The following DLGAP1 variants were observed in gnomAD, a reference collection of about 807,000 sequenced individuals.
DLGAP1 encodes the protein disks large-associated protein 1.
Under a neutral mutation model 90.8 loss-of-function variants are expected in DLGAP1, and 11 were observed. The ratio of observed to expected loss-of-function variants is 0.12; its 90% CI spans 0.08 to 0.20. The LOEUF (loss-of-function observed/expected upper bound fraction) is 0.20, where lower values mean the gene tolerates loss of function less well. Ranked by LOEUF, DLGAP1 falls within the 10% of genes least tolerant of loss-of-function variation. DLGAP1 has a pLI of 1.00. For synonymous variants in DLGAP1, 558 were observed against 540.7 expected (o/e 1.03, Z -0.44); for missense variants, 1,050 against 1,333.8 (o/e 0.79, Z 3.31).
chr18:3,928,009 T>G (rs74428508), intron 3 of DLGAP1, among the ~76,000 whole-genome samples: 44 of 152,292 alleles, frequency 2.9e-4, no homozygotes, highest in Non-Finnish European at 3.5e-4. Context: ...GCTGGGGAAT[T>G]TTTGCCCCCT....
Position 3,523,739 on chromosome 18 carries a change from CT to C in DLGAP1, c.2479+10454del, listed in dbSNP as rs375568027. Reference sequence around the variant, plus strand: ...GCGTGCGCCCGTAGTCCCAGCTACACTGGGAGGCTGAGGCAGGAGAATGGTG... The same window carrying C: ...GCGTGCGCCCGTAGTCCCAGCTACACGGGAGGCTGAGGCAGGAGAATGGTG... On this transcript the variant is annotated intron_variant, in intron 10 of 12. Coordinates refer to ENST00000315677, the MANE Select transcript of DLGAP1 (RefSeq NM_004746.4). 6.5e-4 allele frequency among the ~76,000 whole-genome samples: 99 copies of C among 151,624 alleles called. 5 individuals carry two copies. The South Asian group carries it at 8.9e-3, about 14-fold the overall frequency.
At chr18:4,311,574 T>C (rs2080397641) in intron 1 of DLGAP1, among the ~76,000 whole-genome samples, 1 of 152,216 alleles carries the variant, frequency 6.6e-6, no homozygotes, top group South Asian at 2.1e-4. Flanking sequence ...GAGATTTTTA[T>C]ATTGATTCCA....
At chr18:4,279,347 T>C (rs1029314177) in intron 1 of DLGAP1, among the ~76,000 whole-genome samples, 8 of 152,246 alleles carry the variant, frequency 5.3e-5, no homozygotes, top group African/African-American at 1.9e-4. Context: ...AATTTTTATT[T>C]GGCTAATATC....
chr18:3,672,963 G>A (rs539311339), intron 7 of DLGAP1, among the ~76,000 whole-genome samples: 3 of 152,254 alleles, frequency 2.0e-5, no homozygotes, highest in East Asian at 1.9e-4. Context: ...ACTGGTTTTT[G>A]TGTCTTCAGT....
At chr18:3,854,507 T>C (rs985807091) in intron 4 of DLGAP1, among the ~76,000 whole-genome samples, 4 of 152,228 alleles carry the variant, frequency 2.6e-5, no homozygotes, top group Non-Finnish European at 5.9e-5. Context: ...TTCCTCAAGA[T>C]TCTACTGCCA....
In DLGAP1 at chr18:4,199,272, T is replaced by C. The variant is rs552297769; in HGVS notation, c.-266-47985A>G. Reference sequence around the variant, plus strand: ...AAACATCTCTGTCTTCTTGCTTGCCTTCAGACATCTTCTCCAGCGTGGCGT... The same window carrying C: ...AAACATCTCTGTCTTCTTGCTTGCCCTCAGACATCTTCTCCAGCGTGGCGT... On this transcript the variant is annotated intron_variant, in intron 1 of 12. Coordinates refer to ENST00000315677, the MANE Select transcript of DLGAP1 (RefSeq NM_004746.4). Among the ~76,000 whole-genome samples the C allele has an allele frequency of 3.9e-5, 6 of 152,346 alleles. No individual in the cohort carries two copies. In the South Asian group the frequency reaches 1.2e-3, roughly 32 times the overall value.
chr18:3,769,477 C>T (rs969774939), intron 5 of DLGAP1, among the ~76,000 whole-genome samples: 1 of 152,070 alleles, frequency 6.6e-6, no homozygotes, highest in East Asian at 1.9e-4. Flanking sequence ...TTATAATCGC[C>T]CCAAATTGCG....
At chr18:3,778,174 C>T (rs965323000) in intron 5 of DLGAP1, among the ~76,000 whole-genome samples, 4 of 152,132 alleles carry the variant, frequency 2.6e-5, no homozygotes, top group Admixed American at 6.5e-5. Flanking sequence ...GGCACGATGG[C>T]TCATGCCTGT....
chr18:3,917,308 G>A (rs978117537), intron 3 of DLGAP1, among the ~76,000 whole-genome samples: 1 of 152,174 alleles, frequency 6.6e-6, no homozygotes, highest in African/African-American at 2.4e-5. Context: ...AGAAGGCAGG[G>A]ATTTGCATTA....
At chr18:3,707,363 C>T (rs1286008035) in intron 7 of DLGAP1, among the ~76,000 whole-genome samples, 5 of 152,016 alleles carry the variant, frequency 3.3e-5, no homozygotes, top group South Asian at 4.1e-4. Flanking sequence ...TTTAGAAGGC[C>T]GAGGTGGGTG....
chr18:3,894,557 C>T (rs919383365), intron 3 of DLGAP1: 8 of 152,078 alleles, frequency 5.3e-5, no homozygotes, highest in African/African-American at 1.9e-4. Flanking sequence ...TATTTTTATG[C>T]TAGTATCTTG....
chr18:3,574,972 G>T (rs926491030), intron 8 of DLGAP1, among the ~76,000 whole-genome samples: 27 of 151,396 alleles, frequency 1.8e-4, no homozygotes, highest in Non-Finnish European at 2.9e-5. Flanking sequence ...CCGCCACCAC[G>T]CCCAGCTAAT....
At chr18:3,617,187 T>C (rs1442890429) in intron 7 of DLGAP1, among the ~76,000 whole-genome samples, 2 of 151,980 alleles carry the variant, frequency 1.3e-5, no homozygotes, top group Non-Finnish European at 2.9e-5. Flanking sequence ...GTTTTGGGGG[T>C]GATCCGTTGC....
chr18:4,367,004 CAAAAA>C (rs67286288), intron 1 of DLGAP1, among the ~76,000 whole-genome samples: 770 of 60,736 alleles, frequency 0.013, 5 homozygotes, highest in Middle Eastern at 0.069. Context: ...CTGTCAATGG[CAAAAA>C]AAAAAAAAAA....
chr18:4,449,876 T>C (rs111273134), intron 1 of DLGAP1, among the ~76,000 whole-genome samples: 1,633 of 152,266 alleles, frequency 0.011, 28 homozygotes, highest in African/African-American at 0.037. Context: ...GCCTGCTCCA[T>C]AGAAGCTCTA....
intron 7 of DLGAP1, among the ~76,000 whole-genome samples, chr18:3,692,263 TG>T (rs2060923250): frequency 6.8e-6 from 1 of 146,746 alleles, no homozygotes; most frequent in Non-Finnish European, 1.5e-5. Context: ...TTCCATTATG[TG>T]TATTTTTTGG....
At chr18:3,650,414 A>G (rs2059255845) in intron 7 of DLGAP1, among the ~76,000 whole-genome samples, 1 of 152,218 alleles carries the variant, frequency 6.6e-6, no homozygotes, top group Admixed American at 6.5e-5. Context: ...GCTTGAGGCC[A>G]GCAGTTCAAC....
intron 4 of DLGAP1, among the ~76,000 whole-genome samples, chr18:3,821,541 ACT>A (rs1568191071): frequency 7.9e-5 from 12 of 152,310 alleles, no homozygotes; most frequent in Middle Eastern, 3.4e-3. Flanking sequence ...TTCTCGTGTC[ACT>A]AATTTTCTAG....
At position 3,866,709 on chromosome 18, in the gene DLGAP1, C is replaced by T. The variant is rs546851443; in HGVS notation, c.957+12403G>A. ...ATAAAGAAAGGCATAATGAGATGCT[C>T]TTTCTAGAAACTTTAGCAATAGACA... On this transcript the variant is annotated intron_variant, in intron 4 of 12. Coordinates refer to ENST00000315677, the MANE Select transcript of DLGAP1 (RefSeq NM_004746.4). Among the ~76,000 whole-genome samples the T allele has an allele frequency of 1.7e-4, 26 of 152,268 alleles. 1 individual carries two copies. In the East Asian group the frequency reaches 4.3e-3, roughly 25 times the overall value.
Sources: gnomAD v4.1 joint callset for allele counts (sites outside exome capture counted in the v4.1 genomes callset) on GRCh38, gnomAD v4.1.1 for gene constraint, MANE v1.5 for transcripts, NCBI Gene and HGNC (gene_info 2026-07-23, HGNC 2026-07-21) for gene names.